ADAMTS3: variants seen among roughly 807,000 people sequenced by gnomAD.
ADAMTS3 encodes A disintegrin and metalloproteinase with thrombospondin motifs 3.
A neutral mutation model predicts 129.0 loss-of-function variants in ADAMTS3; 73 were observed. The ratio of observed to expected loss-of-function variants is 0.57; its 90% CI spans 0.47 to 0.69. The LOEUF (loss-of-function observed/expected upper bound fraction) is 0.69. ADAMTS3 is among the 30% of genes least tolerant of loss of function. The probability of loss-of-function intolerance (pLI) is 0.00; values close to 1 mark genes in which losing one functional copy is unlikely to be tolerated. For synonymous variants in ADAMTS3, 477 were observed against 510.8 expected (o/e 0.93, Z 0.89); for missense variants, 1,457 against 1,514.5 (o/e 0.96, Z 0.63).
intron 4 of ADAMTS3, among the ~76,000 whole-genome samples, chr4:72,376,185 A>G (rs1265773253): frequency 6.6e-6 from 1 of 152,136 alleles, no homozygotes; most frequent in East Asian, 1.9e-4. Context: ...CTATAATGAA[A>G]TATCATAGGC....
intron 3 of ADAMTS3, among the ~76,000 whole-genome samples, chr4:72,530,331 A>G (rs1442833214): frequency 2.4e-5 from 2 of 85,074 alleles, no homozygotes; most frequent in East Asian, 3.5e-4. Flanking sequence ...ATATATGTTA[A>G]TATAATATAT....
chr4:72,361,674 T>G (rs1463463038), intron 4 of ADAMTS3, among the ~76,000 whole-genome samples: 2 of 152,106 alleles, frequency 1.3e-5, no homozygotes, highest in African/African-American at 2.4e-5. Flanking sequence ...ATTCCAATCC[T>G]GCAACTTTAG....
At chr4:72,390,126 G>T (rs1189847041) in intron 4 of ADAMTS3, among the ~76,000 whole-genome samples, 1 of 152,022 alleles carries the variant, frequency 6.6e-6, no homozygotes, top group Non-Finnish European at 1.5e-5. Flanking sequence ...TGTACTAGAG[G>T]GGCAAATGTC....
intron 5 of ADAMTS3, among the ~76,000 whole-genome samples, chr4:72,331,830 A>T (rs755544083): frequency 9.2e-5 from 14 of 152,204 alleles, no homozygotes; most frequent in Admixed American, 3.3e-4. Context: ...GGCCACTGGC[A>T]TTATTTGCCA....
intron 3 of ADAMTS3, among the ~76,000 whole-genome samples, chr4:72,493,751 T>C (rs527563000): frequency 1.3e-5 from 2 of 152,002 alleles, no homozygotes; most frequent in African/African-American, 2.4e-5. Context: ...CTTAAGCATT[T>C]CTTGTAAAGT....
chr4:72,553,875 A>G (rs1175745350), intron 2 of ADAMTS3, among the ~76,000 whole-genome samples: 3 of 152,112 alleles, frequency 2.0e-5, no homozygotes, highest in Non-Finnish European at 4.4e-5. Flanking sequence ...TTTTCTGTAA[A>G]AGATATTTTC....
intron 4 of ADAMTS3, among the ~76,000 whole-genome samples, chr4:72,386,841 A>G (rs1721460813): frequency 6.6e-6 from 1 of 152,192 alleles, no homozygotes; most frequent in Admixed American, 6.5e-5. Flanking sequence ...TGATGTTTTT[A>G]AGGGTTCATA....
chr4:72,337,326 AC>A lies in ADAMTS3; in HGVS notation c.861+2167del, dbSNP rs1169634173. The stretch of plus-strand genomic sequence containing the variant: ...AAAAGTCCTCTTGACTGTTTTTAAA[AC>A]ATAAAATGCATCACTTTGTTATTCC... On this transcript the variant is annotated intron_variant, in intron 5 of 21. Transcript: ENST00000286657. 5.0e-4 allele frequency among the ~76,000 whole-genome samples: 76 copies of A among 152,172 alleles called. 1 individual carries two copies. The highest frequency in any genetic ancestry group is 4.4e-5 in the Non-Finnish European group (3 of 68,024).
At chr4:72,543,369 A>T (rs549590148) in intron 3 of ADAMTS3, among the ~76,000 whole-genome samples, 2 of 152,296 alleles carry the variant, frequency 1.3e-5, no homozygotes, top group Non-Finnish European at 2.9e-5. Context: ...CAGGGGATAA[A>T]TTCAAGTGAA....
chr4:72,288,014 C>T (rs139354584), intron 21 of ADAMTS3, among the ~76,000 whole-genome samples: 40 of 152,190 alleles, frequency 2.6e-4, no homozygotes, highest in African/African-American at 7.2e-4. Flanking sequence ...TACAGGCATG[C>T]GCCACCATGC....
chr4:72,500,385 T>G (rs1488490592), intron 3 of ADAMTS3, among the ~76,000 whole-genome samples: 2 of 152,166 alleles, frequency 1.3e-5, no homozygotes, highest in Admixed American at 6.6e-5. Flanking sequence ...ATATTGAGCA[T>G]TTTTTCACGT....
chr4:72,302,356 G>T (rs6822071), intron 17 of ADAMTS3, among the ~76,000 whole-genome samples: 33,657 of 150,740 alleles, frequency 0.22, 4,087 homozygotes, highest in East Asian at 0.47. Flanking sequence ...GTGCACCATC[G>T]GATACGAAAA....
intron 9 of ADAMTS3, 145 bp downstream of exon 9, chr4:72,319,187 G>T: frequency 1.1e-6 from 1 of 929,220 alleles, no homozygotes. Flanking sequence ...AAATTTTTGT[G>T]CTGAATGTTC....
chr4:72,384,825 G>A (rs1578633496), intron 4 of ADAMTS3, among the ~76,000 whole-genome samples: 1 of 152,000 alleles, frequency 6.6e-6, no homozygotes, highest in African/African-American at 2.4e-5. Context: ...AAAAATATAT[G>A]GTGGGATTTA....
At chr4:72,302,761 T>G (rs1718983698) in intron 17 of ADAMTS3, among the ~76,000 whole-genome samples, 1 of 152,068 alleles carries the variant, frequency 6.6e-6, no homozygotes, top group Admixed American at 6.6e-5. Context: ...AGAAAAATCT[T>G]AAAAAGCAGC....
intron 3 of ADAMTS3, among the ~76,000 whole-genome samples, chr4:72,521,020 C>G (rs1195242278): frequency 2.0e-5 from 3 of 150,570 alleles, no homozygotes; most frequent in Non-Finnish European, 4.4e-5. Context: ...TTTTTTGAGA[C>G]AGAGTCTCGT....
intron 4 of ADAMTS3, among the ~76,000 whole-genome samples, chr4:72,373,481 G>A (rs927048534): frequency 6.6e-6 from 1 of 152,060 alleles, no homozygotes; most frequent in Non-Finnish European, 1.5e-5. Flanking sequence ...CCTACACACA[G>A]GAATAAATTT....
Position 72,283,301 on chromosome 4 carries a change from T to C in ADAMTS3, c.3453A>G (p.Pro1151=). The change falls in exon 22 of 22, where the codon CCA becomes CCG. Residue 1151 remains proline, a synonymous_variant. Transcript: ENST00000286657. ...TVRLVTVPSS[P]PTKRVHLSSA... The stretch of plus-strand genomic sequence containing the variant: ...AACTGAGGTGGACCCTCTTGGTGGG[T>C]GGGGAGGATGGTACGGTGACCAGTC... 6.2e-7 allele frequency: 1 copy of C among 1,613,870 alleles called. No individual in the cohort carries two copies. Among genetic ancestry groups the C allele is most frequent in the Non-Finnish European group, 8.5e-7 (1 of 1,179,924 alleles).
At chr4:72,471,021 C>T (rs902654839) in intron 3 of ADAMTS3, among the ~76,000 whole-genome samples, 1 of 151,978 alleles carries the variant, frequency 6.6e-6, no homozygotes, top group African/African-American at 2.4e-5. Context: ...AGGTGTGAGT[C>T]GAATGAGCCG....
Sources: allele counts gnomAD v4.1 joint callset (sites outside exome capture counted in the v4.1 genomes callset), GRCh38; gene constraint gnomAD v4.1.1; transcripts MANE v1.5; gene names NCBI Gene and HGNC (gene_info 2026-07-23, HGNC 2026-07-21).